The following AVEN variants were observed in gnomAD, a reference collection of about 807,000 sequenced individuals.
AVEN encodes the protein cell death regulator Aven.
A neutral mutation model predicts 38.1 loss-of-function variants in AVEN; 41 were observed. The ratio of observed to expected loss-of-function variants is 1.08; its 90% confidence interval spans 0.84 to 1.40. The LOEUF (loss-of-function observed/expected upper bound fraction) is 1.40. Among genes scored for constraint, AVEN ranks in the 40% most tolerant of loss-of-function variants. The pLI is 0.00. For missense variants in AVEN, 605 were observed against 438.8 expected (o/e 1.38, Z -3.38); for synonymous variants, 206 against 171.8 (o/e 1.20, Z -1.56).
chr15:34,038,332 A>G (rs947172863), intron 1 of AVEN, among the ~76,000 whole-genome samples: 2 of 152,188 alleles, frequency 1.3e-5, no homozygotes, highest in Non-Finnish European at 2.9e-5. Context: ...AGTTAACAAA[A>G]CAGACCAAAA....
intron 2 of AVEN, among the ~76,000 whole-genome samples, chr15:33,957,031 AAGAT>A (rs1289997921): frequency 2.0e-5 from 3 of 152,254 alleles, no homozygotes; most frequent in African/African-American, 4.8e-5. Flanking sequence ...AACTAGGAGT[AAGAT>A]AGTTTAGATT....
intron 5 of AVEN, among the ~76,000 whole-genome samples, chr15:34,053,458 A>G (rs184840017): frequency 1.3e-4 from 20 of 151,732 alleles, no homozygotes; most frequent in Middle Eastern, 3.4e-3. Context: ...TCAAAACAGC[A>G]TGGTAATGGT....
At chr15:33,855,675 TACAC>T (rs1020555339), downstream of AVEN, among the ~76,000 whole-genome samples, 6 of 151,204 alleles carry the variant, frequency 4.0e-5, no homozygotes, top group Non-Finnish European at 8.8e-5. Flanking sequence ...TGATTTCAGA[TACAC>T]ACACACATAT....
At chr15:33,935,712 A>C (rs1215538231) in intron 2 of AVEN, among the ~76,000 whole-genome samples, 2 of 152,150 alleles carry the variant, frequency 1.3e-5, no homozygotes, top group East Asian at 3.8e-4. Context: ...ACCTAGCGGA[A>C]AGTAGAGATT....
intron 2 of AVEN, among the ~76,000 whole-genome samples, chr15:33,876,753 A>G (rs1597180368): frequency 6.6e-6 from 1 of 152,216 alleles, no homozygotes; most frequent in South Asian, 2.1e-4. Flanking sequence ...ATATTTTGAT[A>G]GGTGTGTGTA....
intron 2 of AVEN, among the ~76,000 whole-genome samples, chr15:33,925,808 T>G (rs76535977): frequency 0.061 from 9,346 of 152,074 alleles, 486 homozygotes; most frequent in African/African-American, 0.14. Flanking sequence ...AAAGTTTTTA[T>G]AATTATATTT....
At chr15:33,937,557 C>T (rs1283020926) in intron 2 of AVEN, among the ~76,000 whole-genome samples, 4 of 151,970 alleles carry the variant, frequency 2.6e-5, no homozygotes, top group African/African-American at 7.2e-5. Context: ...AATCCTTCTA[C>T]GGACTAAATG....
chr15:33,928,054 A>C (rs1348636788), intron 2 of AVEN, among the ~76,000 whole-genome samples: 2 of 152,228 alleles, frequency 1.3e-5, no homozygotes, highest in Non-Finnish European at 2.9e-5. Context: ...ATGTATAAAG[A>C]AGCTAATCCA....
chr15:33,961,616 A>T (rs932639736), intron 2 of AVEN, among the ~76,000 whole-genome samples: 1 of 151,656 alleles, frequency 6.6e-6, no homozygotes, highest in African/African-American at 2.4e-5. Context: ...GATCGAGACC[A>T]TTCTGGCTAA....
chr15:34,040,289 A>G (rs2140802204), upstream of AVEN, among the ~76,000 whole-genome samples: 1 of 152,322 alleles, frequency 6.6e-6, no homozygotes, highest in African/African-American at 2.4e-5. Flanking sequence ...ATTCAAGATC[A>G]AGGTCCAAAG....
intron 2 of AVEN, 45 bp downstream of exon 2, chr15:34,002,987 A>G (rs769079620): frequency 4.7e-6 from 7 of 1,485,790 alleles, no homozygotes; most frequent in Non-Finnish European, 6.4e-6. Context: ...ATGTCTGTGC[A>G]ACTTTCAGAG....
intron 2 of AVEN, among the ~76,000 whole-genome samples, chr15:33,876,998 G>C (rs180977995): frequency 2.5e-4 from 38 of 152,258 alleles, no homozygotes; most frequent in African/African-American, 8.7e-4. Context: ...ATACAGAAAA[G>C]AGTAATAAAT....
Position 33,945,927 on chromosome 15 carries a change from T to C in AVEN, c.445+57105A>G, listed in dbSNP as rs916007626. ...AAATAATTTCAAACTTACAGAAATA[T>C]TGCAAGAATAATAAAAAGAACTCCT... On this transcript the variant is annotated intron_variant, in intron 2 of 5. Coordinates refer to ENST00000306730, the MANE Select transcript of AVEN (RefSeq NM_020371.3). Among the ~76,000 whole-genome samples the C allele has an allele frequency of 7.2e-5, 11 of 152,250 alleles. No homozygotes were observed. The South Asian group carries it at 8.3e-4, about 11-fold the overall frequency.
intron 2 of AVEN, among the ~76,000 whole-genome samples, chr15:33,955,267 T>TA (rs945257995): frequency 5.2e-4 from 79 of 151,800 alleles, no homozygotes; most frequent in African/African-American, 1.8e-3. Context: ...GGTTGAATTT[T>TA]AAAAAAAAAT....
chr15:34,045,470 C>G (rs4780203), intron 5 of AVEN, among the ~76,000 whole-genome samples: 22,525 of 152,220 alleles, frequency 0.15, 2,074 homozygotes, highest in Middle Eastern at 0.27. Context: ...ACTGCAAGTC[C>G]TTCCTCATAT....
At chr15:33,986,679 C>T (rs1054012732) in intron 2 of AVEN, among the ~76,000 whole-genome samples, 7 of 151,806 alleles carry the variant, frequency 4.6e-5, no homozygotes, top group Admixed American at 2.6e-4. Context: ...TTTTTTGAGA[C>T]AGAGTCTCAC....
chr15:33,989,484 C>T (rs188100756), intron 2 of AVEN, among the ~76,000 whole-genome samples: 103 of 150,808 alleles, frequency 6.8e-4, no homozygotes, highest in African/African-American at 2.4e-3. Context: ...ACAACCAAAA[C>T]CAAAACTAAG....
intron 1 of AVEN, among the ~76,000 whole-genome samples, chr15:34,006,726 C>T (rs1191443794): frequency 1.3e-5 from 2 of 152,146 alleles, no homozygotes; most frequent in Non-Finnish European, 2.9e-5. Flanking sequence ...GATCTCATTA[C>T]CCCTACACAA....
At chr15:34,013,149 C>G (rs113795754) in intron 1 of AVEN, among the ~76,000 whole-genome samples, 1 of 151,930 alleles carries the variant, frequency 6.6e-6, no homozygotes, top group Non-Finnish European at 1.5e-5. Flanking sequence ...GCAACCTCTG[C>G]CTCCTGGGTT....
Sources: gnomAD v4.1 joint callset for allele counts (sites outside exome capture counted in the v4.1 genomes callset) on GRCh38, gnomAD v4.1.1 for gene constraint, MANE v1.5 for transcripts, NCBI Gene and HGNC (gene_info 2026-07-23, HGNC 2026-07-21) for gene names.